Variants in XKRX observed in about 807,000 individuals in gnomAD.
XKRX encodes the protein XK related X-linked, also known as XK-related protein 2.
A neutral mutation model predicts 22.4 loss-of-function variants in XKRX; 11 were observed. That is an observed-to-expected ratio of 0.49 (90% CI 0.31 to 0.81). The LOEUF is 0.81. XKRX is among the 40% of genes least tolerant of loss of function. The probability of loss-of-function intolerance (pLI) is 0.05; values close to 1 mark genes in which losing one functional copy is unlikely to be tolerated. For synonymous variants in XKRX, 114 were observed against 132.2 expected, an observed-to-expected ratio of 0.86 and a Z score of 0.94; for missense variants, 320 against 336.5, an observed-to-expected ratio of 0.95 and a Z score of 0.38.
At chrX:100,913,186 A>C (rs1239011680), downstream of XKRX, among the ~76,000 whole-genome samples, 1 of 96,891 alleles carries the variant, frequency 1.0e-5, no homozygotes, top group African/African-American at 4.9e-5. Flanking sequence ...AAACAGAGCG[A>C]GACTCCATCT....
the XKRX span, among the ~76,000 whole-genome samples, chrX:100,940,361 A>G: frequency 8.9e-6 from 1 of 112,008 alleles, no homozygotes; most frequent in Non-Finnish European, 1.9e-5. Flanking sequence ...CTAGTCATTT[A>G]AAACAGCAAA....
At chrX:100,922,761 C>A in intron 2 of XKRX, 32 bp downstream of exon 2, 1 of 1,191,812 alleles carries the variant, frequency 8.4e-7, no homozygotes, top group East Asian at 3.0e-5. Flanking sequence ...CTTGATTTAA[C>A]TGGAGCCCTC....
At chrX:100,932,578 TC>T (rs2085524601), upstream of XKRX, among the ~76,000 whole-genome samples, 1 of 112,519 alleles carries the variant, frequency 8.9e-6, no homozygotes, top group African/African-American at 3.2e-5. Context: ...GCTCTTGGCA[TC>T]TTTATCAGCA....
chrX:100,947,126 A>C, the XKRX span, among the ~76,000 whole-genome samples: 2 of 111,636 alleles, frequency 1.8e-5, no homozygotes, highest in Non-Finnish European at 3.8e-5. Context: ...CACAACTAAA[A>C]CTGAATTCAT....
chrX:100,901,543 AC>A, the XKRX span, among the ~76,000 whole-genome samples: 1 of 111,956 alleles, frequency 8.9e-6, no homozygotes, highest in African/African-American at 3.2e-5. Flanking sequence ...AGATTTCAAT[AC>A]CCTTCTTTCA....
the XKRX span, among the ~76,000 whole-genome samples, chrX:100,951,370 C>A: frequency 1.8e-3 from 183 of 99,850 alleles, no homozygotes; most frequent in African/African-American, 6.6e-3. Context: ...TGCAATATAC[C>A]CATGTAACAA....
the XKRX span, among the ~76,000 whole-genome samples, chrX:100,900,973 G>A: frequency 5.5e-5 from 6 of 109,624 alleles, no homozygotes; most frequent in Non-Finnish European, 9.5e-5. Flanking sequence ...TGTATTTTTA[G>A]TAGAGACGGG....
the XKRX span, among the ~76,000 whole-genome samples, chrX:100,897,825 A>C: frequency 9.1e-6 from 1 of 109,846 alleles, no homozygotes; most frequent in African/African-American, 3.3e-5. Flanking sequence ...AGATGAGCCT[A>C]GGACATCTTG....
the XKRX span, among the ~76,000 whole-genome samples, chrX:100,888,754 C>T: frequency 2.1e-4 from 23 of 108,080 alleles, no homozygotes; most frequent in African/African-American, 4.0e-4. Context: ...TATGCTGAGA[C>T]GGGAACAGCC....
At chrX:100,923,445 G>C (rs770490527) in intron 1 of XKRX, among the ~76,000 whole-genome samples, 3 of 112,264 alleles carry the variant, frequency 2.7e-5, no homozygotes, top group African/African-American at 6.5e-5. Context: ...ACACGTGTGA[G>C]ACACCATGGC....
the XKRX span, among the ~76,000 whole-genome samples, chrX:100,890,205 C>A: frequency 0.013 from 1,466 of 110,704 alleles, 31 homozygotes; most frequent in African/African-American, 0.045. Flanking sequence ...GACCTAAACT[C>A]GTTGTTTTTG....
At chrX:100,927,181 A>C (rs2085501192) in intron 1 of XKRX, among the ~76,000 whole-genome samples, 2 of 110,650 alleles carry the variant, frequency 1.8e-5, no homozygotes, top group Non-Finnish European at 3.8e-5. Flanking sequence ...TCTACAAAAA[A>C]AATTTTTTTT....
At chrX:100,930,103 A>G (rs2147945522), upstream of XKRX, among the ~76,000 whole-genome samples, 1 of 109,037 alleles carries the variant, frequency 9.2e-6, no homozygotes, top group South Asian at 4.2e-4. Context: ...AGCCTGGCCA[A>G]CGTGGTGAAA....
At chrX:100,896,360 CA>C in the XKRX span, among the ~76,000 whole-genome samples, 1 of 111,093 alleles carries the variant, frequency 9.0e-6, no homozygotes, top group Non-Finnish European at 1.9e-5. Flanking sequence ...GAGTAATACA[CA>C]GTTGTAAAAA....
chrX:100,907,000 T>C, the XKRX span, among the ~76,000 whole-genome samples: 1 of 111,464 alleles, frequency 9.0e-6, no homozygotes, highest in Non-Finnish European at 1.9e-5. Context: ...TATTTCAAGG[T>C]AAACTGATTT....
At chrX:100,917,706 G>GA (rs1384315133) in intron 2 of XKRX, among the ~76,000 whole-genome samples, 1 of 105,764 alleles carries the variant, frequency 9.5e-6, no homozygotes, top group Non-Finnish European at 1.9e-5. Flanking sequence ...AAGAAAGAAA[G>GA]AAAGAAAGAA....
At chrX:100,889,147 C>T in the XKRX span, among the ~76,000 whole-genome samples, 1 of 104,296 alleles carries the variant, frequency 9.6e-6, no homozygotes, top group Admixed American at 1.1e-4. Flanking sequence ...GGCTGAGACA[C>T]AGGAATTGCT....
downstream of XKRX, among the ~76,000 whole-genome samples, chrX:100,909,810 G>A (rs2085400462): frequency 9.4e-6 from 1 of 106,546 alleles, no homozygotes; most frequent in African/African-American, 3.4e-5. Context: ...GGCTGAGGCG[G>A]GAGAATCACT....
chrX:100,922,277 A>G (rs2085477036), intron 2 of XKRX, among the ~76,000 whole-genome samples: 1 of 112,268 alleles, frequency 8.9e-6, no homozygotes, highest in South Asian at 3.7e-4. Flanking sequence ...TATAATTTCA[A>G]AAAGAAGCTC....
Sources: gnomAD v4.1 joint callset for allele counts (sites outside exome capture counted in the v4.1 genomes callset) on GRCh38, gnomAD v4.1.1 for gene constraint, MANE v1.5 for transcripts, NCBI Gene and HGNC (gene_info 2026-07-23, HGNC 2026-07-21) for gene names.